The following ALG3 variants were observed in gnomAD, a reference collection of about 807,000 sequenced individuals.
ALG3 encodes ALG3 alpha-1,3- mannosyltransferase.
A neutral mutation model predicts 50.5 loss-of-function variants in ALG3; 39 were observed. That is an observed-to-expected ratio of 0.77 (90% confidence interval 0.60 to 1.01). The LOEUF is 1.01. Among genes scored for constraint, ALG3 ranks in the 50% least tolerant of loss-of-function variants. ALG3 has a pLI of 0.00. For synonymous variants in ALG3, 252 were observed against 237.2 expected, an observed-to-expected ratio of 1.06 and a Z score of -0.58; for missense variants, 520 against 554.8, an observed-to-expected ratio of 0.94 and a Z score of 0.63.
At chr3:184,248,578 G>A (rs547857455) in intron 1 of ALG3, among the ~76,000 whole-genome samples, 167 bp downstream of exon 1, 2 of 152,236 alleles carry the variant, frequency 1.3e-5, no homozygotes, top group Non-Finnish European at 2.9e-5. Context: ...ATTAAGATCC[G>A]GTTTTCTGTA....
intron 4 of ALG3, 71 bp from the exon 5 acceptor site, chr3:184,244,792 C>T: frequency 3.9e-6 from 6 of 1,519,478 alleles, no homozygotes; most frequent in South Asian, 1.2e-5. Flanking sequence ...CAAAGACATA[C>T]CCCCCACCAT....
chr3:184,245,031 T>C (rs1211121428), intron 4 of ALG3, 167 bp downstream of exon 4: 8 of 934,530 alleles, frequency 8.6e-6, no homozygotes, highest in Middle Eastern at 3.0e-4. Flanking sequence ...TGTGTGTATG[T>C]TGGGGGATGG....
chr3:184,243,456 T>C, intron 7 of ALG3, 98 bp downstream of exon 7: 1 of 1,160,276 alleles, frequency 8.6e-7, no homozygotes, highest in Non-Finnish European at 1.3e-6. Context: ...GGGGTCCCCT[T>C]TCCTCGCCCA....
At chr3:184,243,492 G>A in intron 7 of ALG3, 62 bp downstream of exon 7, 11 of 1,538,878 alleles carry the variant, frequency 7.1e-6, no homozygotes, top group Non-Finnish European at 9.9e-6. Flanking sequence ...AGGGATACCT[G>A]ACCAGGACTC....
intron 7 of ALG3, 154 bp from the exon 8 acceptor site, chr3:184,243,111 C>G (rs1718925060): frequency 1.3e-5 from 13 of 1,030,470 alleles, no homozygotes; most frequent in Non-Finnish European, 1.8e-5. Context: ...GGACCTGCTC[C>G]TCAACCAAAT....
chr3:184,248,731 C>T lies in ALG3; in HGVS notation c.196+14G>A. ...TCTCCCTCCCTCCCCTCCCCTCCCC[C>T]TCGGCGCACTCACATGCCACCCTGT... On this transcript the variant is annotated intron_variant, in intron 1 of 8. Transcript: ENST00000397676. 2 of 1,543,718 alleles carry T rather than the reference C, an allele frequency of 1.3e-6. No homozygotes were observed. Among genetic ancestry groups the T allele is most frequent in the Non-Finnish European group, 1.8e-6 (2 of 1,140,546 alleles).
In ALG3 at chr3:184,243,633, G is replaced by A; in HGVS notation, c.933-3C>T. The A allele has an allele frequency of 6.2e-7, 1 of 1,613,836 alleles. No individual in the cohort carries two copies. Among genetic ancestry groups the A allele is most frequent in the Non-Finnish European group, 8.5e-7 (1 of 1,179,848 alleles). On this transcript the variant is annotated splice_region_variant and splice_polypyrimidine_tract_variant and intron_variant, in intron 6 of 8. Coordinates refer to ENST00000397676, the MANE Select transcript of ALG3 (RefSeq NM_005787.6). ...GCGACAAGATACTTTCCCCTGTCCTGGAGAAAAGCCATTCAGACAGTTATC... is the reference window on the plus strand; with the variant it reads ...GCGACAAGATACTTTCCCCTGTCCTAGAGAAAAGCCATTCAGACAGTTATC...
chr3:184,244,471 T>G, intron 5 of ALG3, 130 bp downstream of exon 5: 1 of 1,140,086 alleles, frequency 8.8e-7, no homozygotes, highest in Non-Finnish European at 1.2e-6. Flanking sequence ...CTAGCGATAG[T>G]GGCTCCCTAG....
At chr3:184,248,045 G>A (rs1378924709) in intron 1 of ALG3, among the ~76,000 whole-genome samples, 2 of 147,950 alleles carry the variant, frequency 1.4e-5, no homozygotes, top group Non-Finnish European at 1.5e-5. Flanking sequence ...CAGTAGAGAC[G>A]GGGTTTCACC....
intron 1 of ALG3, among the ~76,000 whole-genome samples, chr3:184,247,302 AT>A (rs111752684): frequency 7.8e-4 from 111 of 142,972 alleles, no homozygotes; most frequent in East Asian, 2.1e-3. Flanking sequence ...GTCTAACTGA[AT>A]TTTTTTTTTT....
chr3:184,249,034 G>T, upstream of ALG3: 1 of 1,529,320 alleles, frequency 6.5e-7, no homozygotes. Flanking sequence ...GTCCCACCAG[G>T]CTAAGCGCCG....
intron 1 of ALG3, 77 bp from the exon 2 acceptor site, chr3:184,245,889 C>G: frequency 8.8e-7 from 1 of 1,142,272 alleles, no homozygotes; most frequent in Non-Finnish European, 1.3e-6. Flanking sequence ...TCCAGACCAT[C>G]AAAACACAGA....
intron 7 of ALG3, 97 bp from the exon 8 acceptor site, chr3:184,243,054 C>T: frequency 6.6e-7 from 1 of 1,508,286 alleles, no homozygotes; most frequent in Non-Finnish European, 9.0e-7. Context: ...CCCTCTGGCT[C>T]TGCCATTCCT....
chr3:184,245,475 G>C lies in ALG3; in HGVS notation c.437C>G (p.Thr146Ser). Residue 146 changes from threonine to serine, a missense_variant, in exon 3 of 9, where the codon ACC (threonine) becomes AGC (serine). Coordinates refer to ENST00000397676, the MANE Select transcript of ALG3 (RefSeq NM_005787.6). ...CTGGTAGCATGGACTCACCTTGCAG[G>C]TCTGGTGATAGATCAAGAAGACAAG... The part of the protein sequence containing the change: ...LLLVFLIYHQ[T>S]CKVPPFVFFF... 6.2e-7 allele frequency: 1 copy of C among 1,614,008 alleles called. No homozygotes were observed. The highest frequency in any genetic ancestry group is 2.2e-5 in the East Asian group (1 of 44,886).
At chr3:184,248,016 CTTTT>C (rs575235372) in intron 1 of ALG3, among the ~76,000 whole-genome samples, 1 of 125,376 alleles carries the variant, frequency 8.0e-6, no homozygotes, top group African/African-American at 2.9e-5. Context: ...CGGCTAAATT[CTTTT>C]TTTTTTTTTT....
chr3:184,243,745 C>T (rs1406237616), intron 6 of ALG3, 46 bp downstream of exon 6: 1 of 1,595,152 alleles, frequency 6.3e-7, no homozygotes, highest in Non-Finnish European at 8.5e-7. Flanking sequence ...TTAGGCCCTT[C>T]ACTCCTTCCC....
At chr3:184,245,652 C>T in intron 2 of ALG3, 37 bp from the exon 3 acceptor site, 1 of 1,611,296 alleles carries the variant, frequency 6.2e-7, no homozygotes, top group Non-Finnish European at 8.5e-7. Flanking sequence ...TGGGTCAGGT[C>T]ACACAGACTA....
intron 1 of ALG3, among the ~76,000 whole-genome samples, chr3:184,248,541 G>A (rs1719309398): frequency 6.6e-6 from 1 of 152,164 alleles, no homozygotes; most frequent in African/African-American, 2.4e-5. Flanking sequence ...CCAATCTCTA[G>A]GGTATCCACC....
chr3:184,243,625 CCT>C lies in ALG3; in HGVS notation c.936_937del (p.Glu314LysfsTer181), dbSNP rs1560162636. On this transcript the variant is annotated frameshift_variant, in exon 7 of 9. Coordinates refer to ENST00000397676, the MANE Select transcript of ALG3 (RefSeq NM_005787.6). LOFTEE classifies it high-confidence loss of function. ...CCTCAGCAGCGACAAGATACTTTCC[CCT>C]GTCCTGGAGAAAAGCCATTCAGACA... 6.2e-7 allele frequency: 1 copy of C among 1,613,870 alleles called. No homozygotes were observed.
Sources: gnomAD v4.1 joint callset for allele counts (sites outside exome capture counted in the v4.1 genomes callset) on GRCh38, gnomAD v4.1.1 for gene constraint, MANE v1.5 for transcripts, NCBI Gene and HGNC (gene_info 2026-07-23, HGNC 2026-07-21) for gene names.